The following RREB1 variants were observed in gnomAD, a reference collection of about 807,000 sequenced individuals.
RREB1 encodes the protein ras responsive element binding protein 1, also known as ras-responsive element-binding protein 1.
In RREB1, 27 loss-of-function variants were observed where a neutral mutation model predicts 117.8. The observed-to-expected ratio is 0.23, with a 90% CI of 0.17 to 0.32. The LOEUF is 0.32. RREB1 is among the 10% of genes least tolerant of loss of function. RREB1 has a pLI of 1.00. For synonymous variants in RREB1, 1,298 were observed against 1,026.7 expected, an observed-to-expected ratio of 1.26 and a Z score of -5.05; for missense variants, 2,577 against 2,378.2, an observed-to-expected ratio of 1.08 and a Z score of -1.74.
At chr6:7,118,525 A>G (rs1180137248) in intron 1 of RREB1, among the ~76,000 whole-genome samples, 3 of 152,210 alleles carry the variant, frequency 2.0e-5, no homozygotes, top group Non-Finnish European at 4.4e-5. Context: ...CAGGTTTTCT[A>G]TGGCTTGGTT....
Position 7,176,815 on chromosome 6 carries a change from T to C in RREB1, c.-166+42T>C, listed in dbSNP as rs993912089. 3 of 152,584 alleles carry C rather than the reference T, an allele frequency of 2.0e-5. No homozygotes were observed. In the South Asian group the frequency reaches 6.2e-4, roughly 32 times the overall value. The allele number at this position is 152,584 out of a possible 1,614,324, so 9.5% of individuals were successfully genotyped here. A position where few individuals can be genotyped will look rare whatever the true frequency, so the allele number is the denominator to read the frequency against. The stretch of plus-strand genomic sequence containing the variant: ...TCACTCGCAGTGAGTCACAATAATG[T>C]TGAACGTCGAGTCTTCCCATGCCCT... On this transcript the variant is annotated intron_variant, in intron 2 of 12. Coordinates refer to ENST00000379938, the MANE Select transcript of RREB1 (RefSeq NM_001003699.4).
chr6:7,243,480 T>C (rs1304889079), intron 11 of RREB1, among the ~76,000 whole-genome samples: 1 of 152,220 alleles, frequency 6.6e-6, no homozygotes, highest in East Asian at 1.9e-4. Context: ...AGTCATCAGC[T>C]CAGCTACCTG....
rs34678863 is a variant in RREB1 at position 7,251,489 on chromosome 6, C to CTTTTTTTTT, written c.*2535_*2543dup. 1 of 121,352 alleles carries CTTTTTTTTT rather than the reference C, an allele frequency of 8.2e-6. No homozygotes were observed. Among genetic ancestry groups the CTTTTTTTTT allele is most frequent in the Non-Finnish European group, 1.7e-5 (1 of 58,338 alleles). 7.5% of individuals were successfully genotyped at this position (121,352 alleles called of 1,614,324 possible). A position where few individuals can be genotyped will look rare whatever the true frequency, so the allele number is the denominator to read the frequency against. On this transcript the variant is annotated 3_prime_UTR_variant, in exon 13 of 13. Coordinates refer to ENST00000379938, the MANE Select transcript of RREB1 (RefSeq NM_001003699.4). Reference sequence around the variant, plus strand: ...GTTTTTTGAGGTGCAAGTTTTTTCTCTTTTTTTTTTTTTTTTTTTTTTCTC... The same window carrying CTTTTTTTTT: ...GTTTTTTGAGGTGCAAGTTTTTTCTCTTTTTTTTTTTTTTTTTTTTTTTTTTTTTTTCTC...
In RREB1 at chr6:7,240,435, C is replaced by G; in HGVS notation, c.3809-3C>G. The G allele has an allele frequency of 6.2e-7, 1 of 1,601,250 alleles. No homozygotes were observed. The highest frequency in any genetic ancestry group is 1.1e-5 in the South Asian group (1 of 88,398). The stretch of plus-strand genomic sequence containing the variant: ...TAAATATATATTTTTTTTCCTGCTT[C>G]AGGTCAGAAACCCTTCCCTTGTCAA... On this transcript the variant is annotated splice_polypyrimidine_tract_variant and splice_region_variant and intron_variant, in intron 10 of 12. Coordinates refer to ENST00000379938, the MANE Select transcript of RREB1 (RefSeq NM_001003699.4).
chr6:7,161,247 T>C (rs917839737), intron 1 of RREB1, among the ~76,000 whole-genome samples: 4 of 152,190 alleles, frequency 2.6e-5, no homozygotes, highest in South Asian at 4.2e-4. Flanking sequence ...GTCCCTCTAT[T>C]GTTGGTTTCA....
At chr6:7,243,492 A>G (rs1403542414) in intron 11 of RREB1, among the ~76,000 whole-genome samples, 1 of 152,194 alleles carries the variant, frequency 6.6e-6, no homozygotes, top group Non-Finnish European at 1.5e-5. Flanking sequence ...AGCTACCTGC[A>G]TTTGGGAGTC....
chr6:7,146,255 TG>T (rs768649422), intron 1 of RREB1, among the ~76,000 whole-genome samples: 4 of 152,140 alleles, frequency 2.6e-5, no homozygotes, highest in Non-Finnish European at 4.4e-5. Context: ...GAGCAGTCTG[TG>T]GCCCGCTTAC....
chr6:7,209,264 A>T (rs1166593245), intron 6 of RREB1, among the ~76,000 whole-genome samples: 1 of 152,232 alleles, frequency 6.6e-6, no homozygotes, highest in Non-Finnish European at 1.5e-5. Context: ...TTTGTTAATT[A>T]AAATTAATTT....
At chr6:7,152,674 TGA>T (rs1393054717) in intron 1 of RREB1, among the ~76,000 whole-genome samples, 1 of 152,166 alleles carries the variant, frequency 6.6e-6, no homozygotes, top group African/African-American at 2.4e-5. Flanking sequence ...CCTATGAACT[TGA>T]GAAGGCCAGG....
At chr6:7,241,483 T>C (rs9505092) in intron 11 of RREB1, among the ~76,000 whole-genome samples, 4,737 of 152,232 alleles carry the variant, frequency 0.031, 216 homozygotes, top group African/African-American at 0.1. Context: ...GACACTATCT[T>C]GTGGCTGCGA....
In RREB1 at chr6:7,229,791, G is replaced by A. The variant is rs1044266846; in HGVS notation, c.1692G>A (p.Gln564=). Residue 564 remains glutamine, a synonymous_variant, in exon 10 of 13, where the codon CAG becomes CAA. Transcript: ENST00000379938. This position sits in a 1 kb window ranked among gnomAD's most constrained non-coding sequence, Gnocchi z 4.5. ...VEAASNAHLL[Q]SKSGTQPHAA... ...CGGCCTCCAACGCCCACCTGCTGCA[G>A]TCCAAGTCCGGGACCCAGCCCCACG... 1 of 1,609,654 alleles carries A rather than the reference G, an allele frequency of 6.2e-7. No individual in the cohort carries two copies. The highest frequency in any genetic ancestry group is 2.2e-5 in the East Asian group (1 of 44,740).
chr6:7,177,127 G>A (rs1206882054), intron 2 of RREB1, among the ~76,000 whole-genome samples: 7 of 149,152 alleles, frequency 4.7e-5, no homozygotes, highest in African/African-American at 1.0e-4. Context: ...GCTGAGGCAC[G>A]AGAATCGCTT....
At chr6:7,170,602 G>A (rs1488151179) in intron 1 of RREB1, among the ~76,000 whole-genome samples, 1 of 152,248 alleles carries the variant, frequency 6.6e-6, no homozygotes, top group African/African-American at 2.4e-5. Flanking sequence ...TGCCAGCCAT[G>A]CACTGCAGGC....
intron 8 of RREB1, 100 bp from the exon 9 acceptor site, chr6:7,226,367 T>G: frequency 2.5e-6 from 2 of 813,888 alleles, no homozygotes; most frequent in South Asian, 4.4e-5. Context: ...TTGAAATGAA[T>G]CAACAAAAAC....
chr6:7,123,454 G>A (rs990656596), intron 1 of RREB1, among the ~76,000 whole-genome samples: 22 of 152,210 alleles, frequency 1.4e-4, no homozygotes, highest in Non-Finnish European at 2.6e-4. Flanking sequence ...GAGCCACCAC[G>A]CCTGGCCGAA....
intron 1 of RREB1, among the ~76,000 whole-genome samples, chr6:7,175,566 G>T (rs377124801): frequency 6.6e-6 from 1 of 152,156 alleles, no homozygotes; most frequent in South Asian, 2.1e-4. Flanking sequence ...GGTGTTGTCC[G>T]TGTGGGGTTT....
chr6:7,109,038 G>C (rs962924810), intron 1 of RREB1, among the ~76,000 whole-genome samples: 1 of 151,422 alleles, frequency 6.6e-6, no homozygotes, highest in Non-Finnish European at 1.5e-5. Context: ...GGGGGTGGGG[G>C]GCTCGGCGCC....
rs989548186 is a variant in RREB1, at chr6:7,189,374, C to T, written c.425+52C>T. 4 of 1,497,702 alleles carry T rather than the reference C, an allele frequency of 2.7e-6. No individual in the cohort carries two copies. In the African/African-American group the frequency reaches 5.5e-5, roughly 21 times the overall value. 92.8% of individuals were successfully genotyped at this position (1,497,702 alleles called of 1,614,324 possible). A position where few individuals can be genotyped will look rare whatever the true frequency, so the allele number is the denominator to read the frequency against. On this transcript the variant is annotated intron_variant, in intron 6 of 12. Transcript: ENST00000379938. ...GGGTTGGCTGGTACTTGGAGGTTGG[C>T]AGGCAGGACAGTGGCCTCTGAGCCT...
Position 7,236,827 on chromosome 6 carries a change from C to T in RREB1, c.3809-3611C>T, listed in dbSNP as rs116292436. Among the ~76,000 whole-genome samples the T allele has an allele frequency of 6.7e-3, 945 of 140,722 alleles. 9 individuals carry two copies. Among genetic ancestry groups the T allele is most frequent in the African/African-American group, 0.023 (841 of 37,288 alleles). The allele number at this position is 140,722 out of a possible 152,430, so 92.3% of individuals were successfully genotyped here. On this transcript the variant is annotated intron_variant, in intron 10 of 12. Coordinates refer to ENST00000379938, the MANE Select transcript of RREB1 (RefSeq NM_001003699.4). ...CTTCTCTTGCCCCAATGTCCTTCTT[C>T]GTTTCTTGACTGTTCTGGGAGAGTA...
Sources: allele counts gnomAD v4.1 joint callset (sites outside exome capture counted in the v4.1 genomes callset), GRCh38; gene constraint gnomAD v4.1.1; non-coding constraint Gnocchi (gnomAD v3.1); transcripts MANE v1.5; gene names NCBI Gene and HGNC (gene_info 2026-07-23, HGNC 2026-07-21).